Variants in EP300 observed in about 807,000 individuals in gnomAD.
The protein encoded by EP300 is EP300 lysine acetyltransferase.
In EP300, 31 loss-of-function variants were observed where a neutral mutation model predicts 264.0. The observed-to-expected ratio is 0.12, with a 90% confidence interval of 0.09 to 0.16. The LOEUF is 0.16. Ranked by LOEUF, EP300 falls within the 10% of genes least tolerant of loss-of-function variation. The pLI is 1.00. For synonymous variants in EP300, 1,340 were observed against 1,045.4 expected (o/e 1.28, Z -5.44); for missense variants, 2,766 against 3,052.9 (o/e 0.91, Z 2.21).
chr22:41,101,534 C>G (rs1280273201), intron 1 of EP300, among the ~76,000 whole-genome samples: 1 of 151,708 alleles, frequency 6.6e-6, no homozygotes, highest in East Asian at 1.9e-4. Flanking sequence ...GCCTCAGCCT[C>G]CCTAGTGGCT....
chr22:41,132,684 G>A (rs1383320480), intron 6 of EP300, among the ~76,000 whole-genome samples: 3 of 152,164 alleles, frequency 2.0e-5, no homozygotes, highest in Non-Finnish European at 4.4e-5. Context: ...ATTTTGGGCT[G>A]AAACATATAG....
At chr22:41,116,614 G>C (rs902651422) in intron 1 of EP300, among the ~76,000 whole-genome samples, 2 of 152,088 alleles carry the variant, frequency 1.3e-5, no homozygotes, top group African/African-American at 4.8e-5. Flanking sequence ...TGTCATTGAT[G>C]GGGGGTGTTG....
chr22:41,136,066 G>T (rs13058482), intron 7 of EP300, among the ~76,000 whole-genome samples, 160 bp downstream of exon 7: 3 of 152,198 alleles, frequency 2.0e-5, no homozygotes, highest in Non-Finnish European at 4.4e-5. Flanking sequence ...TGTAGCCCAG[G>T]CTAGAGTGCA....
intron 10 of EP300, among the ~76,000 whole-genome samples, chr22:41,146,187 C>CA (rs1217772746): frequency 3.0e-5 from 4 of 134,860 alleles, no homozygotes; most frequent in Non-Finnish European, 3.1e-5. Flanking sequence ...TTTTTTGAGA[C>CA]AGAGTCTTGC....
chr22:41,167,276 C>T lies in EP300; in HGVS notation c.3874+610C>T, dbSNP rs971756048. On this transcript the variant is annotated intron_variant, in intron 23 of 30. Coordinates refer to ENST00000263253, the MANE Select transcript of EP300 (RefSeq NM_001429.4). The stretch of plus-strand genomic sequence containing the variant: ...CCTCCCAAAGTACTGGGATTACAGG[C>T]GTGAACCACCATGCCCAACCCCTCA... Among the ~76,000 whole-genome samples the T allele has an allele frequency of 5.3e-5, 8 of 152,020 alleles. No homozygotes were observed. The South Asian group carries it at 6.2e-4, about 12-fold the overall frequency.
chr22:41,099,828 G>A, intron 1 of EP300, among the ~76,000 whole-genome samples: 1 of 152,224 alleles, frequency 6.6e-6, no homozygotes, highest in East Asian at 1.9e-4. Context: ...TGGCTACTAA[G>A]TGACAAATGG....
At chr22:41,167,580 GTGTGTATA>G (rs1425006784) in intron 23 of EP300, among the ~76,000 whole-genome samples, 6 of 30,170 alleles carry the variant, frequency 2.0e-4, no homozygotes, top group African/African-American at 6.9e-4. Flanking sequence ...GTGTGTGTGT[GTGTGTATA>G]TATATATATA....
Position 41,149,120 on chromosome 22 carries a change from T to C in EP300, c.2324T>C (p.Met775Thr). ...LPQTQFPSQG[M>T]NVTNIPLAPS... The stretch of plus-strand genomic sequence containing the variant: ...CAGACTCAGTTCCCATCACAGGGAA[T>C]GAATGTAACAAATATCCCTTTGGCT... Residue 775 changes from methionine to threonine, a missense_variant, in exon 13 of 31, where the codon ATG (methionine) becomes ACG (threonine). By Grantham distance (81) the Met-to-Thr change is moderately conservative (BLOSUM62 -1). Transcript: ENST00000263253. The C allele has an allele frequency of 6.2e-7, 1 of 1,613,604 alleles. No individual in the cohort carries two copies. The highest frequency in any genetic ancestry group is 8.5e-7 in the Non-Finnish European group (1 of 1,179,942).
chr22:41,166,785 C>G, intron 23 of EP300, 119 bp downstream of exon 23: 1 of 636,970 alleles, frequency 1.6e-6, no homozygotes, highest in Non-Finnish European at 2.7e-6. Context: ...TAAAATAATT[C>G]TATAATCTCC....
Position 41,178,440 on chromosome 22 carries a change from C to G in EP300, c.6729C>G (p.Gly2243=). 6.2e-7 allele frequency: 1 copy of G among 1,614,082 alleles called. No individual in the cohort carries two copies. The highest frequency in any genetic ancestry group is 8.5e-7 in the Non-Finnish European group (1 of 1,180,022). Residue 2243 remains glycine (G), a synonymous_variant, in exon 31 of 31, where the codon GGC becomes GGG. Transcript: ENST00000263253. ...AACAAGGAAATATGGGACAGATAGG[C>G]CAGCTTCCCCAGGCCTTGGGAGCAG... is the stretch of plus-strand genomic sequence containing the variant. The part of the protein sequence containing the change: ...QMQQGNMGQI[G]QLPQALGAEA...
intron 2 of EP300, 44 bp downstream of exon 2, chr22:41,117,865 A>C: frequency 6.2e-7 from 1 of 1,612,088 alleles, no homozygotes; most frequent in Non-Finnish European, 8.5e-7. Flanking sequence ...CATGCATGTG[A>C]GTATTGTCAT....
rs1555909203 is a variant in EP300 at position 41,146,761 on chromosome 22, T to G, written c.2076T>G (p.Ser692Arg). The G allele has an allele frequency of 6.2e-7, 1 of 1,614,194 alleles. No individual in the cohort carries two copies. Among genetic ancestry groups the G allele is most frequent in the Non-Finnish European group, 8.5e-7 (1 of 1,180,010 alleles). The change falls in exon 11 of 31, where the codon AGT becomes AGG. Residue 692 changes from serine to arginine, a missense_variant. By Grantham distance (110) the Ser-to-Arg change is moderately radical. Coordinates refer to ENST00000263253, the MANE Select transcript of EP300 (RefSeq NM_001429.4). ...TAGATGGCCCTCTACCTGACCCAAG[T>G]ATGATCCGTGGCAGTGTGCCAAACC... The part of the protein sequence containing the change: ...MTSNGPLPDP[S>R]MIRGSVPNQM...
chr22:41,105,534 G>A (rs1415348745), intron 1 of EP300, among the ~76,000 whole-genome samples: 1 of 151,570 alleles, frequency 6.6e-6, no homozygotes, highest in Non-Finnish European at 1.5e-5. Flanking sequence ...GAGTAGCTGG[G>A]ACTATAGGCA....
At chr22:41,175,480 T>G (rs181733691) in intron 29 of EP300, among the ~76,000 whole-genome samples, 2 of 152,364 alleles carry the variant, frequency 1.3e-5, no homozygotes, top group African/African-American at 2.4e-5. Flanking sequence ...AATTGATGGT[T>G]GTTACAAGTT....
At chr22:41,143,273 G>T (rs959133671) in intron 10 of EP300, among the ~76,000 whole-genome samples, 3 of 152,116 alleles carry the variant, frequency 2.0e-5, no homozygotes, top group African/African-American at 7.2e-5. Flanking sequence ...GCAACATGGT[G>T]AAACTCTGTC....
At chr22:41,109,099 AC>A (rs1480553531) in intron 1 of EP300, among the ~76,000 whole-genome samples, 1 of 151,774 alleles carries the variant, frequency 6.6e-6, no homozygotes, top group Non-Finnish European at 1.5e-5. Flanking sequence ...ACATGGTGAG[AC>A]CCCCATCTCA....
At chr22:41,117,129 C>T (rs2145696135) in intron 1 of EP300, 58 bp from the exon 2 acceptor site, 2 of 1,394,524 alleles carry the variant, frequency 1.4e-6, no homozygotes, top group Non-Finnish European at 1.0e-6. Context: ...CAATATAGAG[C>T]AGTTTTTTAT....
intron 1 of EP300, among the ~76,000 whole-genome samples, chr22:41,096,649 G>T (rs9607772): frequency 6.7e-5 from 9 of 135,000 alleles, no homozygotes; most frequent in Admixed American, 1.5e-4. Flanking sequence ...ACAGAGGTTT[G>T]CTCTCGTTGC....
At position 41,179,000 on chromosome 22, in the gene EP300, T is replaced by A; in HGVS notation, c.*44T>A. On this transcript the variant is annotated 3_prime_UTR_variant, in exon 31 of 31. Transcript: ENST00000263253. ...TGGGAGCAAAAAAATTATTTTCTCT[T>A]AACAAGACTTTTTGTACTGAAAACA... 2 of 1,606,690 alleles carry A rather than the reference T, an allele frequency of 1.2e-6. No homozygotes were observed. Among genetic ancestry groups the A allele is most frequent in the Non-Finnish European group, 1.7e-6 (2 of 1,177,688 alleles).
Sources: allele counts gnomAD v4.1 joint callset (sites outside exome capture counted in the v4.1 genomes callset), GRCh38; gene constraint gnomAD v4.1.1; transcripts MANE v1.5; gene names NCBI Gene and HGNC (gene_info 2026-07-23, HGNC 2026-07-21).